Variants in FBLN1 observed in about 807,000 individuals in gnomAD.
FBLN1 encodes fibulin-1.
In FBLN1, 34 loss-of-function variants were observed where a neutral mutation model predicts 89.7. The ratio of observed to expected loss-of-function variants is 0.38; its 90% CI spans 0.29 to 0.50. The LOEUF (loss-of-function observed/expected upper bound fraction) is 0.50, where lower values mean the gene tolerates loss of function less well. Ranked by LOEUF, FBLN1 falls within the 20% of genes least tolerant of loss-of-function variation. The pLI, the probability that FBLN1 is intolerant of heterozygous loss-of-function variation, is 0.92. For synonymous variants in FBLN1, 393 were observed against 391.3 expected, an observed-to-expected ratio of 1.00 and a Z score of -0.05; for missense variants, 777 against 988.1, an observed-to-expected ratio of 0.79 and a Z score of 2.86.
rs891366551 is a variant in FBLN1 at position 45,536,568 on chromosome 22, C to T, written c.922+1231C>T. Among the ~76,000 whole-genome samples the T allele has an allele frequency of 2.0e-5, 3 of 152,046 alleles. No homozygotes were observed. Among genetic ancestry groups the T allele is most frequent in the African/African-American group, 7.2e-5 (3 of 41,408 alleles). On this transcript the variant is annotated intron_variant, in intron 8 of 16. Coordinates refer to ENST00000327858, the MANE Select transcript of FBLN1 (RefSeq NM_006486.3). This position sits in a 1 kb window ranked among gnomAD's most constrained non-coding sequence, Gnocchi z 5.1. Reference sequence around the variant, plus strand: ...TCACCTGAGGTCAGGAGTTTGAGACCAGCCTGACCAATATAGTGAAACCCC... The same window carrying T: ...TCACCTGAGGTCAGGAGTTTGAGACTAGCCTGACCAATATAGTGAAACCCC...
In FBLN1 at chr22:45,600,294, GCT is replaced by G. The variant is rs766745118; in HGVS notation, c.1973-7_1973-6del. The G allele has an allele frequency of 1.5e-5, 24 of 1,614,054 alleles. No individual in the cohort carries two copies. The highest frequency in any genetic ancestry group is 2.0e-5 in the Non-Finnish European group (24 of 1,180,040). ...CCTTCTAACTTCCAGCACACCTTCT[GCT>G]CTCTCCGCAGGTGTCGTGCGCCAGG... On this transcript the variant is annotated splice_polypyrimidine_tract_variant and intron_variant, in intron 16 of 16. Transcript: ENST00000327858.
chr22:45,598,419 A>G (rs1485703392), intron 16 of FBLN1, among the ~76,000 whole-genome samples: 1 of 152,188 alleles, frequency 6.6e-6, no homozygotes, highest in Non-Finnish European at 1.5e-5. Context: ...GAACATGTGG[A>G]ACGGAGAAGG....
intron 1 of FBLN1, among the ~76,000 whole-genome samples, chr22:45,509,322 C>T (rs927064790): frequency 6.6e-6 from 1 of 152,170 alleles, no homozygotes; most frequent in African/African-American, 2.4e-5. Context: ...GAATGCTTCT[C>T]GCCTTCCCAG....
chr22:45,569,173 T>C (rs1345787587), intron 14 of FBLN1, among the ~76,000 whole-genome samples: 1 of 151,764 alleles, frequency 6.6e-6, no homozygotes, highest in Non-Finnish European at 1.5e-5. Context: ...ATGACACCCA[T>C]AGAAAGTGTT....
At chr22:45,521,163 C>CA (rs1306339725) in intron 2 of FBLN1, among the ~76,000 whole-genome samples, 1 of 152,200 alleles carries the variant, frequency 6.6e-6, no homozygotes, top group Non-Finnish European at 1.5e-5. Context: ...AGGACAAACA[C>CA]ATTGCCTTCT....
chr22:45,542,288 G>GA lies in FBLN1; in HGVS notation c.1195+5_1195+6insA. 1 of 1,613,686 alleles carries GA rather than the reference G, an allele frequency of 6.2e-7. No homozygotes were observed. Among genetic ancestry groups the GA allele is most frequent in the Non-Finnish European group, 8.5e-7 (1 of 1,180,028 alleles). ...GCATCAGCAGGATGTGTGTCGGTGC[G>GA]TGGGGGGCCCCGCAGGCCTCGGGGG... is the stretch of plus-strand genomic sequence containing the variant. On this transcript the variant is annotated splice_donor_region_variant and intron_variant, in intron 10 of 16. Coordinates refer to ENST00000327858, the MANE Select transcript of FBLN1 (RefSeq NM_006486.3).
chr22:45,576,854 T>C lies in FBLN1; in HGVS notation c.1841-123T>C. 8.6e-7 allele frequency: 1 copy of C among 1,160,146 alleles called. No individual in the cohort carries two copies. Among genetic ancestry groups the C allele is most frequent in the Non-Finnish European group, 1.3e-6 (1 of 797,862 alleles). The allele number at this position is 1,160,146 out of a possible 1,614,324, so 71.9% of individuals were successfully genotyped here. A position where few individuals can be genotyped will look rare whatever the true frequency, so the allele number is the denominator to read the frequency against. On this transcript the variant is annotated intron_variant, in intron 15 of 16. Transcript: ENST00000327858. The surrounding 1 kb of genome is among the most constrained non-coding windows in gnomAD (Gnocchi z 5.2). ...CAGGGGATCTCTGGCTTCATTGATG[T>C]TGTCTCATGAAAGGGCCCTGGGTTA... is the stretch of plus-strand genomic sequence containing the variant.
Position 45,576,375 on chromosome 22 carries a change from T to C in FBLN1, c.1841-602T>C, listed in dbSNP as rs1159228229. ...GCCCAGGAAATCCACACCCTGACCT[T>C]AAGTGCTGAAAGGACCTTTAGTGGG... On this transcript the variant is annotated intron_variant, in intron 15 of 16. Coordinates refer to ENST00000327858, the MANE Select transcript of FBLN1 (RefSeq NM_006486.3). This position sits in a 1 kb window ranked among gnomAD's most constrained non-coding sequence, Gnocchi z 5.2. 6.6e-6 allele frequency among the ~76,000 whole-genome samples: 1 copy of C among 152,044 alleles called. No individual in the cohort carries two copies. The highest frequency in any genetic ancestry group is 2.4e-5 in the African/African-American group (1 of 41,374).
intron 16 of FBLN1, among the ~76,000 whole-genome samples, chr22:45,586,729 G>A (rs140695124): frequency 3.5e-4 from 54 of 152,286 alleles, no homozygotes; most frequent in Non-Finnish European, 7.4e-4. Flanking sequence ...GAAAGGTGGT[G>A]GGGGGTAAGC....
chr22:45,596,572 A>AT (rs66764440), intron 16 of FBLN1, among the ~76,000 whole-genome samples: 44,409 of 149,656 alleles, frequency 0.3, 9,738 homozygotes, highest in African/African-American at 0.62. Context: ...TATGATAATT[A>AT]TATATACATA....
Position 45,600,664 on chromosome 22 carries a change from C to G in FBLN1, c.*218C>G. 2 of 612,840 alleles carry G rather than the reference C, an allele frequency of 3.3e-6. No homozygotes were observed. The highest frequency in any genetic ancestry group is 5.8e-5 in the East Asian group (2 of 34,224). 38.0% of individuals were successfully genotyped at this position (612,840 alleles called of 1,614,324 possible). On this transcript the variant is annotated 3_prime_UTR_variant, in exon 17 of 17. Coordinates refer to ENST00000327858, the MANE Select transcript of FBLN1 (RefSeq NM_006486.3). ...AGTTGCTCAACTGTTTGGTTGAAAA[C>G]CTTGCTCATTTTTTAATGCGAAGGC...
At chr22:45,559,867 A>T in intron 14 of FBLN1, among the ~76,000 whole-genome samples, 1 of 152,236 alleles carries the variant, frequency 6.6e-6, no homozygotes, top group East Asian at 1.9e-4. Context: ...TCAGTAATGT[A>T]GTGGGGTCCT....
At position 45,569,117 on chromosome 22, in the gene FBLN1, G is replaced by A. The variant is rs61610965; in HGVS notation, c.1698-5394G>A. On this transcript the variant is annotated intron_variant, in intron 14 of 16. Transcript: ENST00000327858. The stretch of plus-strand genomic sequence containing the variant: ...CAGTGACGTCACATTCTGAGGTACT[G>A]GGGATGGAACTTTGACATCTTTCTT... Among the ~76,000 whole-genome samples, 133 of 152,234 alleles carry A rather than the reference G, an allele frequency of 8.7e-4. 1 individual carries two copies. Among genetic ancestry groups the A allele is most frequent in the African/African-American group, 2.8e-3 (118 of 41,500 alleles).
rs2088803757 is a variant in FBLN1 at position 45,557,501 on chromosome 22, TG to T, written c.1697+6888del. On this transcript the variant is annotated intron_variant, in intron 14 of 16. Transcript: ENST00000327858. This position sits in a 1 kb window ranked among gnomAD's most constrained non-coding sequence, Gnocchi z 4.9. Reference sequence around the variant, plus strand: ...CCATATCCAGGTCAGCCTTGGTGAGTGGAAGTCCATGTTGCTGAGCCCATGT... The same window carrying T: ...CCATATCCAGGTCAGCCTTGGTGAGTGAAGTCCATGTTGCTGAGCCCATGT... Among the ~76,000 whole-genome samples, 1 of 152,058 alleles carries T rather than the reference TG, an allele frequency of 6.6e-6. No homozygotes were observed. The highest frequency in any genetic ancestry group is 2.4e-5 in the African/African-American group (1 of 41,408).
In FBLN1 at chr22:45,503,008, G is replaced by C. The variant is rs1028557932; in HGVS notation, c.23G>C (p.Arg8Pro). ...CCCATGGAGCGCGCCGCGCCGTCGCGCCGGGTCCCGCTTCCGCTGCTGCTG... is the reference window on the plus strand; with the variant it reads ...CCCATGGAGCGCGCCGCGCCGTCGCCCCGGGTCCCGCTTCCGCTGCTGCTG... MERAAPS[R>P]RVPLPLLLLG... is the part of the protein sequence containing the mutation. The change falls in exon 1 of 17, where the codon CGC (arginine) becomes CCC (proline). Residue 8 changes from arginine to proline, a missense_variant. Transcript: ENST00000327858. The C allele has an allele frequency of 4.8e-6, 6 of 1,238,044 alleles. No homozygotes were observed. Among genetic ancestry groups the C allele is most frequent in the Non-Finnish European group, 6.0e-6 (6 of 991,802 alleles). The allele number at this position is 1,238,044 out of a possible 1,614,324, so 76.7% of individuals were successfully genotyped here.
In FBLN1 at chr22:45,518,691, A is replaced by G. The variant is rs754853610; in HGVS notation, c.89A>G (p.Asp30Gly). 178 of 1,605,824 alleles carry G rather than the reference A, an allele frequency of 1.1e-4. No individual in the cohort carries two copies. The highest frequency in any genetic ancestry group is 3.3e-4 in the Middle Eastern group (2 of 6,076). Residue 30 changes from aspartate (D) to glycine (G), a missense_variant, in exon 2 of 17, where the codon GAT becomes GGT. Transcript: ENST00000327858. ...LALLAAGVDA[D>G]VLLEACCADG... is the part of the protein sequence containing the mutation. ...TCTCTTCCCTGCACAGTGGACGCGGATGTCCTCCTGGAGGCCTGCTGTGCG... is the reference window on the plus strand; with the variant it reads ...TCTCTTCCCTGCACAGTGGACGCGGGTGTCCTCCTGGAGGCCTGCTGTGCG...
Position 45,550,698 on chromosome 22 carries a change from G to A in FBLN1, c.1697+83G>A. 6.3e-7 allele frequency: 1 copy of A among 1,597,730 alleles called. No individual in the cohort carries two copies. Among genetic ancestry groups the A allele is most frequent in the Non-Finnish European group, 8.6e-7 (1 of 1,166,560 alleles). ...AGTTCCCGGGTGGGTGGGTTATCAG[G>A]CTGTGACCTCGGTGTCCTCCCATGA... On this transcript the variant is annotated intron_variant, in intron 14 of 16. Transcript: ENST00000327858. This position sits in a 1 kb window ranked among gnomAD's most constrained non-coding sequence, Gnocchi z 8.4.
At chr22:45,515,832 C>T (rs1026988359) in intron 1 of FBLN1, among the ~76,000 whole-genome samples, 10 of 152,216 alleles carry the variant, frequency 6.6e-5, no homozygotes, top group Non-Finnish European at 2.9e-5. Flanking sequence ...TTCAGAGAGG[C>T]GGCGCTGCCT....
At chr22:45,569,350 G>C (rs1002706978) in intron 14 of FBLN1, among the ~76,000 whole-genome samples, 18 of 152,166 alleles carry the variant, frequency 1.2e-4, no homozygotes, top group African/African-American at 4.3e-4. Context: ...CTTATAAGAA[G>C]GGATTAGGGA....
Sources: gnomAD v4.1 joint callset for allele counts (sites outside exome capture counted in the v4.1 genomes callset) on GRCh38, gnomAD v4.1.1 for gene constraint, Gnocchi (gnomAD v3.1) non-coding constraint, MANE v1.5 for transcripts, NCBI Gene and HGNC (gene_info 2026-07-23, HGNC 2026-07-21) for gene names.